POC5: variants seen among roughly 807,000 people sequenced by gnomAD.
POC5 encodes the protein POC5 centriolar protein.
POC5 carries 48 observed loss-of-function variants against 62.9 expected under a neutral mutation model. The ratio of observed to expected loss-of-function variants is 0.76; its 90% confidence interval spans 0.61 to 0.97. POC5 has a LOEUF of 0.97. Among genes scored for constraint, POC5 ranks in the 50% least tolerant of loss-of-function variants. The pLI, the probability that POC5 is intolerant of heterozygous loss-of-function variation, is 0.00. For missense variants in POC5, 696 were observed against 679.5 expected (o/e 1.02, Z -0.27); for synonymous variants, 236 against 228.2 (o/e 1.03, Z -0.31).
Position 75,678,087 on chromosome 5 carries a change from C to A in POC5, c.1408-137G>T, listed in dbSNP as rs1004234722. The A allele has an allele frequency of 3.1e-6, 2 of 643,298 alleles. No individual in the cohort carries two copies. Among genetic ancestry groups the A allele is most frequent in the Middle Eastern group, 4.7e-4 (1 of 2,134 alleles). The allele number at this position is 643,298 out of a possible 1,614,324, so 39.8% of individuals were successfully genotyped here. On this transcript the variant is annotated intron_variant, in intron 10 of 11. Coordinates refer to ENST00000428202, the MANE Select transcript of POC5 (RefSeq NM_001099271.2). The stretch of plus-strand genomic sequence containing the variant: ...TCAACCAACTTTAACATGGAAAAAA[C>A]AAAATCACAAGACGAAAAGCAAAAC...
At chr5:75,708,806 T>C (rs1777226888) in intron 2 of POC5, among the ~76,000 whole-genome samples, 1 of 152,198 alleles carries the variant, frequency 6.6e-6, no homozygotes, top group African/African-American at 2.4e-5. Context: ...GGTTTGCGCT[T>C]CAACCTTGAT....
intron 8 of POC5, chr5:75,689,696 G>A (rs1776241991): frequency 4.1e-6 from 4 of 982,516 alleles, no homozygotes; most frequent in Admixed American, 6.2e-5. Flanking sequence ...AAAATTATTT[G>A]TATTATGGAT....
intron 10 of POC5, among the ~76,000 whole-genome samples, chr5:75,683,382 C>T (rs548940872): frequency 6.6e-6 from 1 of 151,942 alleles, no homozygotes; most frequent in East Asian, 1.9e-4. Context: ...TACAGGTGCC[C>T]ACCACCATGC....
At chr5:75,700,838 T>C (rs556366741) in intron 5 of POC5, among the ~76,000 whole-genome samples, 1 of 139,104 alleles carries the variant, frequency 7.2e-6, no homozygotes, top group African/African-American at 2.6e-5. Flanking sequence ...AGGGCTAATA[T>C]CCAGAATCTA....
At chr5:75,693,890 G>C (rs1195490507) in intron 6 of POC5, among the ~76,000 whole-genome samples, 3 of 152,170 alleles carry the variant, frequency 2.0e-5, no homozygotes, top group Non-Finnish European at 4.4e-5. Flanking sequence ...AATTAGCACA[G>C]ACTTGAATCT....
chr5:75,679,834 T>C (rs2112077990), intron 10 of POC5, among the ~76,000 whole-genome samples: 1 of 152,194 alleles, frequency 6.6e-6, no homozygotes, highest in African/African-American at 2.4e-5. Context: ...ACAGATAATG[T>C]TTGAAATTAA....
chr5:75,679,704 T>C (rs1775801590), intron 10 of POC5, among the ~76,000 whole-genome samples: 1 of 152,108 alleles, frequency 6.6e-6, no homozygotes, highest in South Asian at 2.1e-4. Context: ...TTAGTAATCA[T>C]AAATGATTTA....
rs1776935354 is a variant in POC5 at position 75,702,621 on chromosome 5, C to T, written c.497G>A (p.Trp166Ter). 6.2e-7 allele frequency: 1 copy of T among 1,613,010 alleles called. No homozygotes were observed. Among genetic ancestry groups the T allele is most frequent in the South Asian group, 1.1e-5 (1 of 90,806 alleles). Reference protein sequence around the residue: ...LQKMENVLDLWSSGLKTNIIS... With the variant: ...LQKMENVLDL ...GTACCGTACCTTAAGACCTGAACTC[C>T]AAAGATCAAGCACATTTTCCATCTT... Residue 166 changes from tryptophan (W) to a stop codon, truncating the protein, a stop_gained, in exon 5 of 12, where the codon TGG becomes TAG. Transcript: ENST00000428202. LOFTEE classifies it high-confidence loss of function.
At chr5:75,703,313 A>G (rs1024742880) in intron 4 of POC5, among the ~76,000 whole-genome samples, 3 of 152,198 alleles carry the variant, frequency 2.0e-5, no homozygotes, top group African/African-American at 7.2e-5. Flanking sequence ...TGTAAGTTTA[A>G]CACTGGGATT....
intron 5 of POC5, among the ~76,000 whole-genome samples, chr5:75,702,208 T>C (rs1172248764): frequency 1.3e-5 from 2 of 152,076 alleles, no homozygotes; most frequent in Admixed American, 6.5e-5. Context: ...ACATACCTAA[T>C]GCATGTGGGG....
chr5:75,693,693 T>C (rs954587368), intron 6 of POC5, among the ~76,000 whole-genome samples: 1 of 152,192 alleles, frequency 6.6e-6, no homozygotes, highest in Non-Finnish European at 1.5e-5. Context: ...TTATAATCTT[T>C]AATTCATGAA....
At chr5:75,715,050 T>C (rs1777494333) in intron 1 of POC5, among the ~76,000 whole-genome samples, 2 of 151,984 alleles carry the variant, frequency 1.3e-5, no homozygotes, top group South Asian at 4.1e-4. Context: ...CGGTGGCTCA[T>C]GCCTGCAATC....
chr5:75,699,608 A>G lies in POC5; in HGVS notation c.513+2997T>C, dbSNP rs1704120316. On this transcript the variant is annotated intron_variant, in intron 5 of 11. Coordinates refer to ENST00000428202, the MANE Select transcript of POC5 (RefSeq NM_001099271.2). ...TATCTATGACAAACCCACAGCCAATATCATACTGAATGGGCAAAAACTGGA... is the reference window on the plus strand; with the variant it reads ...TATCTATGACAAACCCACAGCCAATGTCATACTGAATGGGCAAAAACTGGA... Among the ~76,000 whole-genome samples the G allele has an allele frequency of 2.9e-5, 4 of 136,998 alleles. No individual in the cohort carries two copies. In the Admixed American group the frequency reaches 2.9e-4, roughly 10 times the overall value. 89.9% of individuals were successfully genotyped at this position (136,998 alleles called of 152,430 possible).
chr5:75,680,427 T>C (rs1289246039), intron 10 of POC5, among the ~76,000 whole-genome samples: 1 of 152,118 alleles, frequency 6.6e-6, no homozygotes, highest in African/African-American at 2.4e-5. Flanking sequence ...TTCAATAATT[T>C]GAAAATATAT....
chr5:75,674,885 G>A (rs1053896513), intron 11 of POC5, among the ~76,000 whole-genome samples: 1 of 152,204 alleles, frequency 6.6e-6, no homozygotes, highest in Admixed American at 6.5e-5. Context: ...TGTGTACAGA[G>A]GCTTTGTATA....
chr5:75,681,874 A>C (rs1561461789), intron 10 of POC5, among the ~76,000 whole-genome samples: 1 of 152,188 alleles, frequency 6.6e-6, no homozygotes, highest in East Asian at 1.9e-4. Flanking sequence ...CCCAACAATG[A>C]TGGTTTCACA....
At chr5:75,704,863 C>A (rs1777053348) in intron 4 of POC5, among the ~76,000 whole-genome samples, 1 of 152,124 alleles carries the variant, frequency 6.6e-6, no homozygotes, top group South Asian at 2.1e-4. Context: ...ATTATTCTGA[C>A]TAGTCAAGAA....
In POC5 at chr5:75,690,423, C is replaced by A; in HGVS notation, c.935G>T (p.Cys312Phe). The change falls in exon 8 of 12, where the codon TGT (cysteine) becomes TTT (phenylalanine). Residue 312 changes from cysteine (C) to phenylalanine (F), a missense_variant. By Grantham distance (205) the Cys-to-Phe change is radical (BLOSUM62 -2). Coordinates refer to ENST00000428202, the MANE Select transcript of POC5 (RefSeq NM_001099271.2). Reference sequence around the variant, plus strand: ...TTCATAATCATTGGAAATCTGGATACAAACTTCTTCAGCTCTTGCTTGACA... The same window carrying A: ...TTCATAATCATTGGAAATCTGGATAAAAACTTCTTCAGCTCTTGCTTGACA... ...RACQARAEEV[C>F]IQISNDYEAK... is the part of the protein sequence containing the mutation. 1 of 1,612,086 alleles carries A rather than the reference C, an allele frequency of 6.2e-7. No homozygotes were observed. The highest frequency in any genetic ancestry group is 8.5e-7 in the Non-Finnish European group (1 of 1,179,168).
Position 75,685,431 on chromosome 5 carries a change from T to C in POC5, c.1183A>G (p.Lys395Glu), listed in dbSNP as rs1294124576. ...GGATCCAAATGAGCAGAATGTTCTT[T>C]TCCTTGAACACCAGGACCATACTCT... ...KEEYGPGVQG[K>E]EHSAHLDPSA... The change falls in exon 10 of 12, where the codon AAA (lysine) becomes GAA (glutamate). Residue 395 changes from lysine to glutamate, a missense_variant. Physicochemically the swap from Lys to Glu is moderately conservative, Grantham distance 56. Coordinates refer to ENST00000428202, the MANE Select transcript of POC5 (RefSeq NM_001099271.2). 2 of 1,613,728 alleles carry C rather than the reference T, an allele frequency of 1.2e-6. No individual in the cohort carries two copies. The highest frequency in any genetic ancestry group is 1.7e-6 in the Non-Finnish European group (2 of 1,179,768).
Sources: allele counts gnomAD v4.1 joint callset (sites outside exome capture counted in the v4.1 genomes callset), GRCh38; gene constraint gnomAD v4.1.1; transcripts MANE v1.5; gene names NCBI Gene and HGNC (gene_info 2026-07-23, HGNC 2026-07-21).